The following MANBA variants were observed in gnomAD, a reference collection of about 807,000 sequenced individuals.
MANBA encodes beta-mannosidase.
In MANBA, 83 loss-of-function variants were observed where a neutral mutation model predicts 111.1. The ratio of observed to expected loss-of-function variants is 0.75; its 90% confidence interval spans 0.63 to 0.90. The LOEUF (loss-of-function observed/expected upper bound fraction) is 0.90, where lower values mean the gene tolerates loss of function less well. Among genes scored for constraint, MANBA ranks in the 40% least tolerant of loss-of-function variants. MANBA has a pLI of 0.00. For missense variants in MANBA, 1,036 were observed against 1,069.0 expected, an observed-to-expected ratio of 0.97 and a Z score of 0.43; for synonymous variants, 370 against 378.7, an observed-to-expected ratio of 0.98 and a Z score of 0.27.
intron 1 of MANBA, chr4:102,728,520 T>C (rs766892782): frequency 1.1e-5 from 4 of 379,684 alleles, no homozygotes; most frequent in Admixed American, 3.8e-5. Flanking sequence ...TAAGGTTAGC[T>C]GTTGGCAGAG....
At chr4:102,674,204 A>G (rs1731621998) in intron 7 of MANBA, 134 bp from the exon 8 acceptor site, 2 of 664,594 alleles carry the variant, frequency 3.0e-6, no homozygotes, top group African/African-American at 1.8e-5. Flanking sequence ...TATGAAGCAC[A>G]TAATGTGGAA....
intron 5 of MANBA, among the ~76,000 whole-genome samples, chr4:102,705,406 C>T (rs929578157): frequency 3.3e-5 from 5 of 152,198 alleles, no homozygotes; most frequent in Middle Eastern, 3.2e-3. Flanking sequence ...GCCCCTACAT[C>T]TCCACATTCC....
intron 1 of MANBA, among the ~76,000 whole-genome samples, chr4:102,738,879 C>A (rs1337985589): frequency 6.6e-6 from 1 of 152,082 alleles, no homozygotes; most frequent in Non-Finnish European, 1.5e-5. Context: ...ATGAAAAGGT[C>A]TCCAGAGAAA....
At chr4:102,647,406 C>T (rs1730149937) in intron 13 of MANBA, among the ~76,000 whole-genome samples, 1 of 151,052 alleles carries the variant, frequency 6.6e-6, no homozygotes, top group Non-Finnish European at 1.5e-5. Context: ...TGCCCAGTTC[C>T]TAACTATGGA....
At chr4:102,689,719 C>T (rs774688394) in intron 6 of MANBA, 35 bp from the exon 7 acceptor site, 15 of 1,175,292 alleles carry the variant, frequency 1.3e-5, no homozygotes, top group Non-Finnish European at 1.9e-5. Context: ...TCTAATATGT[C>T]ATATTTTCAG....
intron 1 of MANBA, among the ~76,000 whole-genome samples, chr4:102,741,568 T>A (rs1047783195): frequency 2.6e-5 from 4 of 152,214 alleles, no homozygotes; most frequent in Non-Finnish European, 5.9e-5. Flanking sequence ...GTAGATTTTT[T>A]AAATGTGGTA....
rs547020510 is a variant in MANBA, at chr4:102,675,266, C to T, written c.961-1196G>A. Among the ~76,000 whole-genome samples the T allele has an allele frequency of 2.6e-5, 4 of 152,316 alleles. No individual in the cohort carries two copies. In the South Asian group the frequency reaches 6.2e-4, roughly 24 times the overall value. ...AAACTAAAACATTATTTGCCTTTAT[C>T]TCTCTCAGTCTCTGAGTGTCAGTGG... On this transcript the variant is annotated intron_variant, in intron 7 of 16. Transcript: ENST00000647097.
At chr4:102,756,895 C>T (rs1436115434) in intron 1 of MANBA, among the ~76,000 whole-genome samples, 2 of 151,630 alleles carry the variant, frequency 1.3e-5, no homozygotes, top group Non-Finnish European at 2.9e-5. Flanking sequence ...ACAAGGGTCC[C>T]TTTATGTATG....
At position 102,728,757 on chromosome 4, in the gene MANBA, G is replaced by A. The variant is rs961515903; in HGVS notation, c.178-2074C>T. 4 of 881,516 alleles carry A rather than the reference G, an allele frequency of 4.5e-6. No individual in the cohort carries two copies. The African/African-American group carries it at 6.7e-5, about 15-fold the overall frequency. 54.6% of individuals were successfully genotyped at this position (881,516 alleles called of 1,614,324 possible). A position where few individuals can be genotyped will look rare whatever the true frequency, so the allele number is the denominator to read the frequency against. ...GCTGCCGCAGCTGTTCACTTGGGCA[G>A]GACGTCAGAGGACTAGGACACCAGC... On this transcript the variant is annotated intron_variant, in intron 1 of 16. Transcript: ENST00000647097.
At chr4:102,729,923 G>A (rs1208579775) in intron 1 of MANBA, 2 of 1,476,642 alleles carry the variant, frequency 1.4e-6, no homozygotes, top group African/African-American at 2.8e-5. Context: ...CAGCCTGGAT[G>A]TTGGGGTCCA....
chr4:102,673,984 G>A lies in MANBA; in HGVS notation c.1047C>T (p.Pro349=), dbSNP rs1731611850. 5.0e-6 allele frequency: 8 copies of A among 1,608,458 alleles called. No individual in the cohort carries two copies. The highest frequency in any genetic ancestry group is 1.3e-5 in the African/African-American group (1 of 74,786). ...TCCAGTTTGAGCCTTTTAGAAATAT[G>A]GGAAATCCATTAATTTTGAAATAGA... ...LSFYFKINGF[P]IFLKGSNWIP... Residue 349 remains proline, a synonymous_variant, in exon 8 of 17, where the codon CCC becomes CCT. Coordinates refer to ENST00000647097, the MANE Select transcript of MANBA (RefSeq NM_005908.4).
intron 13 of MANBA, among the ~76,000 whole-genome samples, chr4:102,644,174 C>A (rs1730000303): frequency 6.6e-6 from 1 of 152,114 alleles, no homozygotes; most frequent in South Asian, 2.1e-4. Flanking sequence ...CCATTTTATT[C>A]TTTTTACCAT....
intron 1 of MANBA, among the ~76,000 whole-genome samples, chr4:102,732,804 A>G (rs1723077629): frequency 6.6e-6 from 1 of 152,230 alleles, no homozygotes; most frequent in Non-Finnish European, 1.5e-5. Context: ...CCTAATTATT[A>G]GCATGACCAT....
intron 1 of MANBA, chr4:102,730,588 T>C: frequency 1.8e-6 from 1 of 540,746 alleles, no homozygotes; most frequent in Non-Finnish European, 3.7e-6. Flanking sequence ...GTCTAGCTGC[T>C]CACTCCCAAA....
In MANBA at chr4:102,657,877, A is replaced by T. The variant is rs969394745; in HGVS notation, c.1509T>A (p.Ile503=). The part of the protein sequence containing the change: ...VLAGDKSRPF[I]TSSPTNGAET... ...CAGCCCCATTTGTAGGACTGGACGT[A>T]ATAAAAGGACGACTCTTGTCTCCCT... Residue 503 remains isoleucine, a synonymous_variant, in exon 12 of 17, where the codon ATT becomes ATA. Coordinates refer to ENST00000647097, the MANE Select transcript of MANBA (RefSeq NM_005908.4). 2.5e-6 allele frequency: 4 copies of T among 1,612,814 alleles called. No individual in the cohort carries two copies. In the East Asian group the frequency reaches 8.9e-5, roughly 36 times the overall value.
chr4:102,748,572 T>A (rs1175851781), intron 1 of MANBA, among the ~76,000 whole-genome samples: 1 of 152,188 alleles, frequency 6.6e-6, no homozygotes, highest in African/African-American at 2.4e-5. Context: ...AGAAGGGAAC[T>A]GGACCTAGAA....
intron 14 of MANBA, among the ~76,000 whole-genome samples, chr4:102,636,729 T>C (rs1000397115): frequency 6.6e-6 from 1 of 152,218 alleles, no homozygotes; most frequent in Admixed American, 6.5e-5. Context: ...TACAAGGAGC[T>C]GGTGATCCTC....
chr4:102,632,259 T>A lies in MANBA; in HGVS notation c.2438A>T (p.Asp813Val), dbSNP rs367692761. The change falls in exon 17 of 17, where the codon GAC becomes GTC. Residue 813 changes from aspartate to valine, a missense_variant. Transcript: ENST00000647097. ...QITAIISQQG[D>V]IFVFDLETSA... is the part of the protein sequence containing the mutation. ...GGTCTCCAGGTCAAAAACAAATATG[T>A]CACCTTGCTGAGAGATGATGGCCTG... The A allele has an allele frequency of 2.5e-5, 41 of 1,611,826 alleles. No individual in the cohort carries two copies. In the Admixed American group the frequency reaches 3.3e-4, roughly 13 times the overall value.
intron 1 of MANBA, chr4:102,727,531 T>C: frequency 6.3e-7 from 1 of 1,592,592 alleles, no homozygotes; most frequent in South Asian, 1.1e-5. Flanking sequence ...GGGCCGTAGC[T>C]GCTGGTTTAG....
Sources: gnomAD v4.1 joint callset for allele counts (sites outside exome capture counted in the v4.1 genomes callset) on GRCh38, gnomAD v4.1.1 for gene constraint, MANE v1.5 for transcripts, NCBI Gene and HGNC (gene_info 2026-07-23, HGNC 2026-07-21) for gene names.